TENM2: variants seen among roughly 807,000 people sequenced by gnomAD.
The protein encoded by TENM2 is teneurin transmembrane protein 2, also known as teneurin-2.
TENM2 carries 52 observed loss-of-function variants against 245.2 expected under a neutral mutation model. The ratio of observed to expected loss-of-function variants is 0.21; its 90% CI spans 0.17 to 0.27. TENM2 has a LOEUF of 0.27. Among genes scored for constraint, TENM2 ranks in the 10% least tolerant of loss-of-function variants. TENM2 has a pLI of 1.00. For synonymous variants in TENM2, 1,363 were observed against 1,438.9 expected, an observed-to-expected ratio of 0.95 and a Z score of 1.19; for missense variants, 3,046 against 3,666.8, an observed-to-expected ratio of 0.83 and a Z score of 4.37.
At chr5:168,172,776 G>T (rs558644750) in intron 13 of TENM2, among the ~76,000 whole-genome samples, 6 of 152,218 alleles carry the variant, frequency 3.9e-5, no homozygotes, top group African/African-American at 7.2e-5. Flanking sequence ...ATGCCAGGGG[G>T]TGAGCAGGGG....
intron 7 of TENM2, among the ~76,000 whole-genome samples, chr5:168,089,144 C>G (rs904652449): frequency 6.6e-6 from 1 of 152,114 alleles, no homozygotes; most frequent in African/African-American, 2.4e-5. Flanking sequence ...ACACTGGTGT[C>G]CTCTTTGCCT....
At chr5:167,851,767 G>A (rs1355033491) in intron 2 of TENM2, among the ~76,000 whole-genome samples, 1 of 152,138 alleles carries the variant, frequency 6.6e-6, no homozygotes, top group Non-Finnish European at 1.5e-5. Flanking sequence ...AAGATGGGGA[G>A]GAAGAAAAGG....
chr5:167,125,958 A>G, the TENM2 span, among the ~76,000 whole-genome samples: 1 of 152,182 alleles, frequency 6.6e-6, no homozygotes, highest in East Asian at 1.9e-4. Context: ...TCTGGGGATA[A>G]AGTATGTTTC....
intron 2 of TENM2, among the ~76,000 whole-genome samples, chr5:167,737,982 C>T (rs1216772440): frequency 6.6e-6 from 1 of 152,254 alleles, no homozygotes; most frequent in South Asian, 2.1e-4. Context: ...AACTTGGCCT[C>T]AGCTGTCATG....
chr5:167,872,957 G>T (rs1024547985), intron 2 of TENM2, among the ~76,000 whole-genome samples: 1 of 152,226 alleles, frequency 6.6e-6, no homozygotes, highest in Non-Finnish European at 1.5e-5. Flanking sequence ...TCACTCAAAG[G>T]AATTTAAAAA....
chr5:167,363,038 T>C (rs1244406550), intron 1 of TENM2, among the ~76,000 whole-genome samples: 2 of 152,140 alleles, frequency 1.3e-5, no homozygotes, highest in Admixed American at 6.5e-5. Context: ...AAGTATTAAA[T>C]AGCTTGATCA....
intron 2 of TENM2, among the ~76,000 whole-genome samples, chr5:167,684,840 A>G (rs1164391742): frequency 6.6e-6 from 1 of 152,212 alleles, no homozygotes; most frequent in Non-Finnish European, 1.5e-5. Context: ...ATAAATATCC[A>G]GGGTCTATTA....
chr5:168,192,538 A>G (rs758441293), intron 14 of TENM2, among the ~76,000 whole-genome samples: 6 of 152,216 alleles, frequency 3.9e-5, no homozygotes, highest in Non-Finnish European at 7.3e-5. Flanking sequence ...CTTGCTTCCC[A>G]AATAAAACAT....
At chr5:167,208,222 T>C in the TENM2 span, among the ~76,000 whole-genome samples, 1 of 152,216 alleles carries the variant, frequency 6.6e-6, no homozygotes, top group Non-Finnish European at 1.5e-5. Flanking sequence ...TCTTAGTTAC[T>C]CCTTGCCAGG....
At chr5:167,754,205 G>A (rs1762138692) in intron 2 of TENM2, among the ~76,000 whole-genome samples, 2 of 152,164 alleles carry the variant, frequency 1.3e-5, no homozygotes, top group African/African-American at 4.8e-5. Flanking sequence ...GTGAGTGTTG[G>A]AGAGAGATCT....
At chr5:167,049,083 A>T in the TENM2 span, among the ~76,000 whole-genome samples, 4 of 152,202 alleles carry the variant, frequency 2.6e-5, no homozygotes, top group Non-Finnish European at 5.9e-5. Context: ...ACCTGTAGTG[A>T]CAAGATAAAT....
intron 1 of TENM2, among the ~76,000 whole-genome samples, chr5:167,365,112 C>T (rs1759965006): frequency 6.6e-6 from 1 of 151,944 alleles, no homozygotes; most frequent in East Asian, 1.9e-4. Flanking sequence ...TTTCTGTCCA[C>T]CAAGCATGTA....
chr5:167,663,919 T>C (rs576443613), intron 2 of TENM2, among the ~76,000 whole-genome samples: 38 of 152,300 alleles, frequency 2.5e-4, no homozygotes, highest in African/African-American at 8.9e-4. Context: ...TTGCTCAATT[T>C]GAAAATTCTT....
chr5:168,181,072 A>G (rs991917234), intron 13 of TENM2, among the ~76,000 whole-genome samples: 5 of 152,252 alleles, frequency 3.3e-5, no homozygotes, highest in Admixed American at 2.0e-4. Context: ...CAGAGCAACA[A>G]CATAGACATC....
chr5:167,469,353 GT>G (rs1389818082), intron 2 of TENM2, among the ~76,000 whole-genome samples: 6 of 152,042 alleles, frequency 3.9e-5, no homozygotes, highest in African/African-American at 1.4e-4. Context: ...AAGACTATTT[GT>G]TTTTTAATTA....
At chr5:167,049,384 A>T in the TENM2 span, among the ~76,000 whole-genome samples, 1 of 152,202 alleles carries the variant, frequency 6.6e-6, no homozygotes, top group African/African-American at 2.4e-5. Flanking sequence ...TTATTTTTTT[A>T]AAAGAAATAG....
the TENM2 span, among the ~76,000 whole-genome samples, chr5:167,045,815 G>T: frequency 6.6e-6 from 1 of 152,150 alleles, no homozygotes; most frequent in East Asian, 1.9e-4. Flanking sequence ...AAACCAACGG[G>T]TTATTCACTC....
intron 3 of TENM2, among the ~76,000 whole-genome samples, chr5:167,889,319 G>A (rs1774547303): frequency 6.6e-6 from 1 of 152,096 alleles, no homozygotes; most frequent in African/African-American, 2.4e-5. Context: ...GTGGACGGAG[G>A]GCTGTGGGAC....
intron 2 of TENM2, among the ~76,000 whole-genome samples, chr5:167,468,646 A>G (rs1343174735): frequency 4.6e-5 from 7 of 152,210 alleles, no homozygotes; most frequent in Non-Finnish European, 1.0e-4. Context: ...TTCTATTCTA[A>G]AATTTATAGC....
Sources: allele counts gnomAD v4.1 joint callset (sites outside exome capture counted in the v4.1 genomes callset), GRCh38; gene constraint gnomAD v4.1.1; transcripts MANE v1.5; gene names NCBI Gene and HGNC (gene_info 2026-07-23, HGNC 2026-07-21).